Variants in AUTS2 observed in about 807,000 individuals in gnomAD.
AUTS2 encodes the protein activator of transcription and developmental regulator AUTS2, also known as autism susceptibility gene 2 protein.
AUTS2 carries 17 observed loss-of-function variants against 112.4 expected under a neutral mutation model. The ratio of observed to expected loss-of-function variants is 0.15; its 90% confidence interval spans 0.10 to 0.23. The LOEUF (loss-of-function observed/expected upper bound fraction) is 0.23, where lower values mean the gene tolerates loss of function less well. AUTS2 is among the 10% of genes least tolerant of loss of function. The pLI is 1.00. For synonymous variants in AUTS2, 751 were observed against 702.7 expected, an observed-to-expected ratio of 1.07 and a Z score of -1.09; for missense variants, 1,510 against 1,701.6, an observed-to-expected ratio of 0.89 and a Z score of 1.98.
Position 69,861,530 on chromosome 7 carries a change from G to A in AUTS2, c.310-37756G>A, listed in dbSNP as rs192098467. Among the ~76,000 whole-genome samples, 394 of 152,260 alleles carry A rather than the reference G, an allele frequency of 2.6e-3. 1 individual carries two copies. The highest frequency in any genetic ancestry group is 0.01 in the Middle Eastern group (3 of 294). On this transcript the variant is annotated intron_variant, in intron 1 of 18. Coordinates refer to ENST00000342771, the MANE Select transcript of AUTS2 (RefSeq NM_015570.4). ...TAATGTCAGCCGATAAAGGATTATT[G>A]AAAAAGGCTTGCAAGGAGATAAAAG... is the stretch of plus-strand genomic sequence containing the variant.
intron 4 of AUTS2, among the ~76,000 whole-genome samples, chr7:70,300,911 A>G (rs1789182374): frequency 6.6e-6 from 1 of 152,220 alleles, no homozygotes; most frequent in Non-Finnish European, 1.5e-5. Context: ...ACATTTAATC[A>G]TCTGAGGTTT....
intron 5 of AUTS2, among the ~76,000 whole-genome samples, chr7:70,492,363 A>T (rs372622262): frequency 1.3e-5 from 2 of 152,278 alleles, no homozygotes; most frequent in South Asian, 2.1e-4. Flanking sequence ...AGAGGGGAGT[A>T]TCTTGAAAGG....
At chr7:69,936,708 G>A (rs1796427917) in intron 2 of AUTS2, among the ~76,000 whole-genome samples, 1 of 152,036 alleles carries the variant, frequency 6.6e-6, no homozygotes, top group South Asian at 2.1e-4. Flanking sequence ...GGATTTCTGG[G>A]ACACTTAAAT....
chr7:70,075,901 A>G (rs994720298), intron 2 of AUTS2, among the ~76,000 whole-genome samples: 3 of 152,324 alleles, frequency 2.0e-5, no homozygotes, highest in South Asian at 2.1e-4. Context: ...AACTTTTTCT[A>G]TACATAGCCA....
At position 69,599,677 on chromosome 7, in the gene AUTS2, T is replaced by G; in HGVS notation, c.24T>G (p.His8Gln). ...CCATGGATGGCCCGACGCGGGGCCA[T>G]GGACTCCGCAAAAAGCGGCGGTCGC... MDGPTRGHGLRKKRRSRS... is the reference protein window; with the variant it reads MDGPTRGQGLRKKRRSRS... Residue 8 changes from histidine (H) to glutamine (Q), a missense_variant, in exon 1 of 19, where the codon CAT (histidine) becomes CAG (glutamine). By Grantham distance (24) the His-to-Gln change is conservative (BLOSUM62 0). Around this residue, in one of 3 missense-constraint regions of AUTS2, gnomAD observed 535 missense variants for 594.3 expected, o/e 0.90. Transcript: ENST00000342771. The surrounding 1 kb of genome is among the most constrained non-coding windows in gnomAD (Gnocchi z 7.0). The G allele has an allele frequency of 7.5e-7, 1 of 1,325,348 alleles. No homozygotes were observed. The highest frequency in any genetic ancestry group is 9.6e-7 in the Non-Finnish European group (1 of 1,042,270). 82.1% of individuals were successfully genotyped at this position (1,325,348 alleles called of 1,614,324 possible). A position where few individuals can be genotyped will look rare whatever the true frequency, so the allele number is the denominator to read the frequency against.
chr7:70,565,371 T>TA (rs1360510272), intron 5 of AUTS2, among the ~76,000 whole-genome samples: 2 of 152,100 alleles, frequency 1.3e-5, no homozygotes, highest in African/African-American at 4.8e-5. Context: ...ATTGTTCATT[T>TA]AAAAAAAGGA....
chr7:69,745,366 G>A (rs1180331052), intron 1 of AUTS2, among the ~76,000 whole-genome samples: 1 of 152,206 alleles, frequency 6.6e-6, no homozygotes, highest in Non-Finnish European at 1.5e-5. Context: ...TGGAGCAGAT[G>A]CCAGTATGTT....
chr7:70,394,853 G>A (rs1794014309), intron 4 of AUTS2, among the ~76,000 whole-genome samples: 1 of 151,966 alleles, frequency 6.6e-6, no homozygotes, highest in Admixed American at 6.6e-5. Flanking sequence ...CAAAGTGAGA[G>A]GATCGCCTGC....
chr7:69,714,236 CATGTGTGTGTAT>C (rs1192470895), intron 1 of AUTS2, among the ~76,000 whole-genome samples: 1 of 106,350 alleles, frequency 9.4e-6, no homozygotes, highest in Admixed American at 9.7e-5. Flanking sequence ...GCTAATTGTG[CATGTGTGTGTAT>C]ATGTGTGTGT....
chr7:70,322,932 A>G (rs1790322164), intron 4 of AUTS2, among the ~76,000 whole-genome samples: 1 of 152,188 alleles, frequency 6.6e-6, no homozygotes, highest in Non-Finnish European at 1.5e-5. Context: ...TCAGCACTTT[A>G]CATGTGTTGC....
chr7:70,468,892 G>T (rs1797269068), intron 5 of AUTS2, among the ~76,000 whole-genome samples: 1 of 152,144 alleles, frequency 6.6e-6, no homozygotes, highest in Admixed American at 6.5e-5. Context: ...TGTGGATTCG[G>T]TGGGAAACTG....
intron 5 of AUTS2, among the ~76,000 whole-genome samples, chr7:70,628,579 C>T (rs1805086210): frequency 6.6e-6 from 1 of 151,906 alleles, no homozygotes; most frequent in South Asian, 2.1e-4. Context: ...CATCCCTCCC[C>T]CTCCCCCCCA....
At chr7:69,697,197 A>G (rs645245) in intron 1 of AUTS2, among the ~76,000 whole-genome samples, 93,432 of 152,084 alleles carry the variant, frequency 0.61, 29,015 homozygotes, top group East Asian at 0.7. Flanking sequence ...TGCTGATGCT[A>G]CTAGTCCAAG....
chr7:70,337,681 A>T (rs1379979764), intron 4 of AUTS2, among the ~76,000 whole-genome samples: 1 of 152,228 alleles, frequency 6.6e-6, no homozygotes, highest in African/African-American at 2.4e-5. Context: ...AAGTCCCATT[A>T]GTCTTTAGCA....
Position 69,614,368 on chromosome 7 carries a change from T to TTTCTTTCTTTCTTTCTTTC in AUTS2, c.309+14408_309+14409insCTTTCTTTCTTTCTTTCTT. ...TCTTTCTTTCTTTCTTTCTTTCTTTTTTTAAGAGATGGGATCTCACTCTGT... is the reference window on the plus strand; with the variant it reads ...TCTTTCTTTCTTTCTTTCTTTCTTTTTTCTTTCTTTCTTTCTTTCTTTAAGAGATGGGATCTCACTCTGT... On this transcript the variant is annotated intron_variant, in intron 1 of 18. Coordinates refer to ENST00000342771, the MANE Select transcript of AUTS2 (RefSeq NM_015570.4). Among the ~76,000 whole-genome samples, 3 of 19,536 alleles carry TTTCTTTCTTTCTTTCTTTC rather than the reference T, an allele frequency of 1.5e-4. 1 individual carries two copies. The highest frequency in any genetic ancestry group is 2.2e-4 in the Non-Finnish European group (2 of 9,186). 12.8% of individuals were successfully genotyped at this position (19,536 alleles called of 152,430 possible).
intron 1 of AUTS2, among the ~76,000 whole-genome samples, chr7:69,778,664 G>A (rs1329300003): frequency 6.6e-6 from 1 of 152,078 alleles, no homozygotes; most frequent in Non-Finnish European, 1.5e-5. Context: ...AATGATTTTT[G>A]TTCTTGTAAA....
At chr7:70,024,372 A>G (rs1398226541) in intron 2 of AUTS2, among the ~76,000 whole-genome samples, 2 of 152,226 alleles carry the variant, frequency 1.3e-5, no homozygotes, top group East Asian at 1.9e-4. Context: ...ATTACAAACA[A>G]TGGAATGGAT....
At chr7:70,039,754 T>C (rs1424821712) in intron 2 of AUTS2, among the ~76,000 whole-genome samples, 1 of 152,210 alleles carries the variant, frequency 6.6e-6, no homozygotes, top group African/African-American at 2.4e-5. Context: ...ACGTTCAAAT[T>C]AATTTGTTGT....
chr7:69,600,006 C>G (rs1295614931), intron 1 of AUTS2, 44 bp downstream of exon 1: 1 of 1,601,982 alleles, frequency 6.2e-7, no homozygotes, highest in South Asian at 1.1e-5. Context: ...TATGCACGAC[C>G]CCACTCGGCT....
Sources: gnomAD v4.1 joint callset for allele counts (sites outside exome capture counted in the v4.1 genomes callset) on GRCh38, gnomAD v4.1.1 for gene constraint, gnomAD v4.1.1 regional missense constraint, Gnocchi (gnomAD v3.1) non-coding constraint, MANE v1.5 for transcripts, NCBI Gene and HGNC (gene_info 2026-07-23, HGNC 2026-07-21) for gene names.